The following TIAM1 variants were observed in gnomAD, a reference collection of about 807,000 sequenced individuals.
TIAM1 encodes rho guanine nucleotide exchange factor TIAM1.
In TIAM1, 65 loss-of-function variants were observed where a neutral mutation model predicts 163.5. That is an observed-to-expected ratio of 0.40 (90% CI 0.33 to 0.49). The LOEUF (loss-of-function observed/expected upper bound fraction) is 0.49. Among genes scored for constraint, TIAM1 ranks in the 20% least tolerant of loss-of-function variants. TIAM1 has a pLI of 0.77. For missense variants in TIAM1, 1,789 were observed against 2,044.7 expected (o/e 0.87, Z 2.41); for synonymous variants, 833 against 810.1 (o/e 1.03, Z -0.48).
At chr21:31,279,997 GACAC>G (rs10545221) in intron 2 of TIAM1, among the ~76,000 whole-genome samples, 6,264 of 152,022 alleles carry the variant, frequency 0.041, 432 homozygotes, top group African/African-American at 0.14. Context: ...AGCTCACACA[GACAC>G]ACAGACACAC....
At chr21:31,382,693 A>T (rs1214260684) in intron 2 of TIAM1, among the ~76,000 whole-genome samples, 2 of 152,168 alleles carry the variant, frequency 1.3e-5, no homozygotes, top group Non-Finnish European at 2.9e-5. Flanking sequence ...TTAACATGTC[A>T]GTCAATTGGT....
chr21:31,538,536 G>A (rs965902344), intron 1 of TIAM1, among the ~76,000 whole-genome samples: 1 of 152,144 alleles, frequency 6.6e-6, no homozygotes, highest in African/African-American at 2.4e-5. Flanking sequence ...CTTCCTATCT[G>A]TAAAATGGGG....
In TIAM1 at chr21:31,206,936, T is replaced by TAC. The variant is rs142792769; in HGVS notation, c.2388+3107_2388+3108dup. ...TAGTCACTGCATACAGAAATATGTATACACACACACACACACAAAGTGCTA... is the reference window on the plus strand; with the variant it reads ...TAGTCACTGCATACAGAAATATGTATACACACACACACACACACAAAGTGCTA... On this transcript the variant is annotated intron_variant, in intron 11 of 27. Coordinates refer to ENST00000541036, the MANE Select transcript of TIAM1 (RefSeq NM_001353694.2). 1.8e-3 allele frequency among the ~76,000 whole-genome samples: 278 copies of TAC among 151,366 alleles called. 3 individuals are homozygous for TAC. Among genetic ancestry groups the TAC allele is most frequent in the South Asian group, 8.6e-3 (41 of 4,786 alleles).
At chr21:31,475,025 T>TTTATTA (rs550390061) in intron 1 of TIAM1, among the ~76,000 whole-genome samples, 2,417 of 118,616 alleles carry the variant, frequency 0.02, 31 homozygotes, top group South Asian at 0.035. Context: ...GAGCTAGTTT[T>TTTATTA]TTATTATTAT....
At chr21:31,154,991 A>C (rs1391945745) in intron 16 of TIAM1, among the ~76,000 whole-genome samples, 1 of 152,204 alleles carries the variant, frequency 6.6e-6, no homozygotes, top group East Asian at 1.9e-4. Flanking sequence ...CTAGATTAAG[A>C]AAGATACCCA....
intron 1 of TIAM1, among the ~76,000 whole-genome samples, chr21:31,510,587 T>C (rs2047180461): frequency 6.6e-6 from 1 of 152,076 alleles, no homozygotes; most frequent in Non-Finnish European, 1.5e-5. Flanking sequence ...CCAAGGCGGA[T>C]GGATTGCCTG....
intron 2 of TIAM1, among the ~76,000 whole-genome samples, chr21:31,312,091 G>A (rs1308266712): frequency 2.0e-5 from 3 of 152,230 alleles, no homozygotes; most frequent in Non-Finnish European, 4.4e-5. Context: ...ACTGAAGGAT[G>A]CACTGTTGGC....
chr21:31,489,578 C>G (rs1259474473), intron 1 of TIAM1, among the ~76,000 whole-genome samples: 2 of 151,134 alleles, frequency 1.3e-5, no homozygotes, highest in East Asian at 3.9e-4. Flanking sequence ...CAGACCCCCC[C>G]CCCCTTGGCA....
At chr21:31,481,955 C>G (rs1026270554) in intron 1 of TIAM1, among the ~76,000 whole-genome samples, 7 of 151,920 alleles carry the variant, frequency 4.6e-5, no homozygotes, top group Non-Finnish European at 8.8e-5. Flanking sequence ...GAAACCAGCC[C>G]TCATCCCGAA....
intron 15 of TIAM1, among the ~76,000 whole-genome samples, chr21:31,170,092 ATACT>A (rs1298470113): frequency 1.3e-5 from 2 of 152,228 alleles, no homozygotes; most frequent in African/African-American, 4.8e-5. Flanking sequence ...GCTAAACGTA[ATACT>A]TAAACTTCAT....
intron 2 of TIAM1, among the ~76,000 whole-genome samples, chr21:31,417,190 T>C (rs936288995): frequency 6.6e-6 from 1 of 152,136 alleles, no homozygotes; most frequent in African/African-American, 2.4e-5. Context: ...GTCTGGCTAA[T>C]TTTTTGTATT....
intron 15 of TIAM1, among the ~76,000 whole-genome samples, chr21:31,180,355 T>C (rs1287076061): frequency 6.6e-6 from 1 of 152,202 alleles, no homozygotes; most frequent in Non-Finnish European, 1.5e-5. Flanking sequence ...ACTTTTGGCT[T>C]TGTAGACCCT....
intron 6 of TIAM1, among the ~76,000 whole-genome samples, chr21:31,234,326 G>A (rs2088618325): frequency 6.7e-6 from 1 of 148,262 alleles, no homozygotes; most frequent in African/African-American, 2.5e-5. Context: ...GAGAGGGGAA[G>A]GGAGGGAGGG....
At chr21:31,128,962 G>A (rs1031728166) in intron 25 of TIAM1, among the ~76,000 whole-genome samples, 1 of 85,200 alleles carries the variant, frequency 1.2e-5, no homozygotes, top group East Asian at 4.6e-4. Flanking sequence ...TATGACAAGT[G>A]GAAACAAGGA....
chr21:31,293,235 G>A (rs1021064208), intron 2 of TIAM1, among the ~76,000 whole-genome samples: 1 of 152,136 alleles, frequency 6.6e-6, no homozygotes, highest in Non-Finnish European at 1.5e-5. Flanking sequence ...TTGAGTCCAA[G>A]GGCATCTGGA....
intron 1 of TIAM1, among the ~76,000 whole-genome samples, chr21:31,526,744 C>T (rs552177331): frequency 1.3e-5 from 2 of 152,208 alleles, no homozygotes; most frequent in South Asian, 4.2e-4. Flanking sequence ...CTATGTCACC[C>T]AGGCTGGAGT....
chr21:31,152,522 AC>A, intron 19 of TIAM1, 113 bp downstream of exon 19: 1 of 1,396,392 alleles, frequency 7.2e-7, no homozygotes, highest in Non-Finnish European at 9.7e-7. Flanking sequence ...CCTCTCAGAC[AC>A]CCTTAGGAAC....
chr21:31,214,798 CT>C (rs2087088734), intron 9 of TIAM1, among the ~76,000 whole-genome samples: 1 of 152,190 alleles, frequency 6.6e-6, no homozygotes, highest in South Asian at 2.1e-4. Flanking sequence ...ATGTTTTTAA[CT>C]TTTTTTCGGT....
chr21:31,250,158 AAAAAAAAAAAAAAG>A (rs1350846910), intron 5 of TIAM1, among the ~76,000 whole-genome samples: 3 of 150,830 alleles, frequency 2.0e-5, no homozygotes, highest in African/African-American at 7.4e-5. Context: ...ACAGAAAAAA[AAAAAAAAAAAAAAG>A]AAAAAGATAA....
Sources: gnomAD v4.1 joint callset for allele counts (sites outside exome capture counted in the v4.1 genomes callset) on GRCh38, gnomAD v4.1.1 for gene constraint, MANE v1.5 for transcripts, NCBI Gene and HGNC (gene_info 2026-07-23, HGNC 2026-07-21) for gene names.